The following GLIS3 variants were observed in gnomAD, a reference collection of about 807,000 sequenced individuals.
GLIS3 encodes the protein zinc finger protein GLIS3.
Under a neutral mutation model 78.6 loss-of-function variants are expected in GLIS3, and 53 were observed. The observed-to-expected ratio is 0.67, with a 90% CI of 0.54 to 0.85. The LOEUF (loss-of-function observed/expected upper bound fraction) is 0.85, where lower values mean the gene tolerates loss of function less well. Among genes scored for constraint, GLIS3 ranks in the 40% least tolerant of loss-of-function variants. GLIS3 has a pLI of 0.00. For synonymous variants in GLIS3, 684 were observed against 509.9 expected (o/e 1.34, Z -4.60); for missense variants, 1,703 against 1,231.1 (o/e 1.38, Z -5.74).
At chr9:4,477,260 CA>C in the GLIS3 span, among the ~76,000 whole-genome samples, 1 of 149,058 alleles carries the variant, frequency 6.7e-6, no homozygotes, top group Non-Finnish European at 1.5e-5. Context: ...ACACGAGTTT[CA>C]ACATGTGTGA....
chr9:4,034,627 C>T (rs1050132551), intron 4 of GLIS3: 6 of 152,228 alleles, frequency 3.9e-5, no homozygotes, highest in Admixed American at 2.6e-4. Flanking sequence ...CTTTTGCAGA[C>T]TGCCACATTT....
At chr9:3,879,316 AC>A in intron 8 of GLIS3, 110 bp downstream of exon 8, 2 of 1,036,902 alleles carry the variant, frequency 1.9e-6, no homozygotes, top group Non-Finnish European at 3.0e-6. Flanking sequence ...CCTTTGGGTA[AC>A]TCAACCCACC....
chr9:4,214,318 G>A (rs1178740080), intron 2 of GLIS3, among the ~76,000 whole-genome samples: 2 of 152,196 alleles, frequency 1.3e-5, no homozygotes, highest in African/African-American at 2.4e-5. Context: ...CAAACGGTTG[G>A]CCCCAGCAGG....
chr9:3,944,401 A>G (rs1431158182), intron 4 of GLIS3, among the ~76,000 whole-genome samples: 1 of 152,238 alleles, frequency 6.6e-6, no homozygotes, highest in African/African-American at 2.4e-5. Flanking sequence ...TATTTAAGAC[A>G]TATCACATGG....
chr9:3,828,275 G>T lies in GLIS3; in HGVS notation c.2790C>A (p.Gly930=), dbSNP rs752421628. The T allele has an allele frequency of 6.2e-7, 1 of 1,614,108 alleles. No homozygotes were observed. The highest frequency in any genetic ancestry group is 1.1e-5 in the South Asian group (1 of 91,082). Residue 930 remains glycine (G), a synonymous_variant, in exon 11 of 11, where the codon GGC becomes GGA. Coordinates refer to ENST00000381971, the MANE Select transcript of GLIS3 (RefSeq NM_001042413.2). ...GCAGGAGTGGCCAAGAGAGCTTTTA[G>T]CCTTCGGTGTAGACAGAGGAGAGCT... ...PSQLSSVYTE[G] is the part of the protein sequence containing the mutation.
intron 8 of GLIS3, among the ~76,000 whole-genome samples, chr9:3,874,894 G>A (rs1821211707): frequency 6.6e-6 from 1 of 152,142 alleles, no homozygotes; most frequent in Non-Finnish European, 1.5e-5. Context: ...TCTCCACTGT[G>A]GTCAATCCAC....
At chr9:4,281,209 A>G (rs1166158204) in intron 2 of GLIS3, among the ~76,000 whole-genome samples, 3 of 152,242 alleles carry the variant, frequency 2.0e-5, no homozygotes, top group African/African-American at 7.2e-5. Context: ...TTTTGGAGTA[A>G]GATTGGACAC....
chr9:3,828,209 C>G lies in GLIS3; in HGVS notation c.*63G>C. ...CTTCCTCAAGCAGTCTGTGAGAGTACGAAAACAAAAGGTGGCAAGCAACAT... is the reference window on the plus strand; with the variant it reads ...CTTCCTCAAGCAGTCTGTGAGAGTAGGAAAACAAAAGGTGGCAAGCAACAT... On this transcript the variant is annotated 3_prime_UTR_variant, in exon 11 of 11. Coordinates refer to ENST00000381971, the MANE Select transcript of GLIS3 (RefSeq NM_001042413.2). 1.9e-6 allele frequency: 3 copies of G among 1,604,124 alleles called. No homozygotes were observed. Among genetic ancestry groups the G allele is most frequent in the South Asian group, 2.2e-5 (2 of 90,678 alleles).
chr9:4,450,589 A>C, the GLIS3 span, among the ~76,000 whole-genome samples: 1 of 152,246 alleles, frequency 6.6e-6, no homozygotes, highest in Non-Finnish European at 1.5e-5. Flanking sequence ...TGTTAAGGGC[A>C]GCCAGAGAGA....
the GLIS3 span, among the ~76,000 whole-genome samples, chr9:4,440,820 T>G: frequency 4.6e-5 from 7 of 152,338 alleles, no homozygotes; most frequent in South Asian, 1.0e-3. Context: ...TACTTGTGTC[T>G]TCTTCAATTT....
intron 4 of GLIS3, among the ~76,000 whole-genome samples, chr9:4,015,287 T>C (rs567547266): frequency 7.8e-4 from 119 of 152,316 alleles, no homozygotes; most frequent in African/African-American, 2.8e-3. Context: ...GTAAAGAGTC[T>C]AACCTTCTCC....
At chr9:3,929,025 G>A (rs1333817951) in intron 6 of GLIS3, among the ~76,000 whole-genome samples, 1 of 152,110 alleles carries the variant, frequency 6.6e-6, no homozygotes, top group Non-Finnish European at 1.5e-5. Flanking sequence ...AATTTCAAGT[G>A]GCTTATTGCC....
intron 2 of GLIS3, among the ~76,000 whole-genome samples, chr9:4,132,421 C>A (rs1323479313): frequency 6.6e-6 from 1 of 152,134 alleles, no homozygotes; most frequent in Non-Finnish European, 1.5e-5. Flanking sequence ...CTGATTATGT[C>A]ACAATTATCA....
chr9:4,289,566 G>GAC, intron 1 of GLIS3, among the ~76,000 whole-genome samples: 1 of 152,138 alleles, frequency 6.6e-6, no homozygotes, highest in Non-Finnish European at 1.5e-5. Context: ...TCCATCGGAA[G>GAC]AGCACCTTTC....
intron 4 of GLIS3, among the ~76,000 whole-genome samples, chr9:4,042,314 G>A (rs905547220): frequency 5.3e-5 from 8 of 152,180 alleles, no homozygotes; most frequent in Admixed American, 2.6e-4. Context: ...CAGCAGAATA[G>A]AGAAGTGAAA....
chr9:4,248,611 G>A (rs1345684194), intron 2 of GLIS3, among the ~76,000 whole-genome samples: 1 of 152,184 alleles, frequency 6.6e-6, no homozygotes, highest in Non-Finnish European at 1.5e-5. Context: ...ACTCAGTAGT[G>A]GGATTGCTGG....
At chr9:4,085,327 C>G (rs1449239260) in intron 4 of GLIS3, among the ~76,000 whole-genome samples, 1 of 151,568 alleles carries the variant, frequency 6.6e-6, no homozygotes, top group Non-Finnish European at 1.5e-5. Flanking sequence ...TTTTTCTTCT[C>G]ATTTCTTACT....
chr9:3,950,141 G>T (rs1816579914), intron 4 of GLIS3, among the ~76,000 whole-genome samples: 1 of 152,098 alleles, frequency 6.6e-6, no homozygotes, highest in Non-Finnish European at 1.5e-5. Context: ...CTCCAAGTCT[G>T]CAACTATCTC....
At chr9:4,045,207 C>G (rs187474084) in intron 4 of GLIS3, among the ~76,000 whole-genome samples, 1 of 152,138 alleles carries the variant, frequency 6.6e-6, no homozygotes, top group Non-Finnish European at 1.5e-5. Context: ...GCATCCTTAT[C>G]GTAAGCCCTA....
Sources: gnomAD v4.1 joint callset for allele counts (sites outside exome capture counted in the v4.1 genomes callset) on GRCh38, gnomAD v4.1.1 for gene constraint, MANE v1.5 for transcripts, NCBI Gene and HGNC (gene_info 2026-07-23, HGNC 2026-07-21) for gene names.